The following CFAP46 variants were observed in gnomAD, a reference collection of about 807,000 sequenced individuals.
The protein encoded by CFAP46 is cilia- and flagella-associated protein 46.
Under a neutral mutation model 325.7 loss-of-function variants are expected in CFAP46, and 245 were observed. The ratio of observed to expected loss-of-function variants is 0.75; its 90% CI spans 0.68 to 0.84. CFAP46 has a LOEUF of 0.84. CFAP46 is among the 40% of genes least tolerant of loss of function. The pLI, the probability that CFAP46 is intolerant of heterozygous loss-of-function variation, is 0.00. For missense variants in CFAP46, 3,346 were observed against 3,543.0 expected (o/e 0.94, Z 1.41); for synonymous variants, 1,523 against 1,495.9 (o/e 1.02, Z -0.42).
chr10:132,824,209 G>A (rs1194509000), intron 50 of CFAP46, among the ~76,000 whole-genome samples: 35 of 141,684 alleles, frequency 2.5e-4, no homozygotes, highest in African/African-American at 9.5e-4. Flanking sequence ...GCTGATGTGT[G>A]CTGTGTGTGC....
intron 20 of CFAP46, among the ~76,000 whole-genome samples, chr10:132,909,642 G>A (rs1221203912): frequency 6.6e-6 from 1 of 152,198 alleles, no homozygotes; most frequent in Admixed American, 6.5e-5. Flanking sequence ...GGAGCTCATG[G>A]GGCCGGCCCT....
In CFAP46 at chr10:132,872,615, ATGT is replaced by A. The variant is rs1307114976; in HGVS notation, c.4511+58_4511+60del. Reference sequence around the variant, plus strand: ...TCAACTACAGAATTAATACCTTAACATGTTGTTTATTTTTGTTTTGCTTTGGGG... The same window carrying A: ...TCAACTACAGAATTAATACCTTAACATGTTTATTTTTGTTTTGCTTTGGGG... On this transcript the variant is annotated intron_variant, in intron 32 of 57. Coordinates refer to ENST00000368586, the MANE Select transcript of CFAP46 (RefSeq NM_001200049.3). 6.5e-6 allele frequency: 10 copies of A among 1,530,688 alleles called. No individual in the cohort carries two copies. In the East Asian group the frequency reaches 2.2e-4, roughly 34 times the overall value. The allele number at this position is 1,530,688 out of a possible 1,614,324, so 94.8% of individuals were successfully genotyped here. A position where few individuals can be genotyped will look rare whatever the true frequency, so the allele number is the denominator to read the frequency against.
At chr10:132,861,826 C>T (rs1182757158) in intron 35 of CFAP46, among the ~76,000 whole-genome samples, 1 of 152,202 alleles carries the variant, frequency 6.6e-6, no homozygotes, top group Non-Finnish European at 1.5e-5. Context: ...CAGGCCCCTC[C>T]CAGGTGTAGC....
In CFAP46 at chr10:132,837,936, C is replaced by T. The variant is rs545382877; in HGVS notation, c.6439-1022G>A. On this transcript the variant is annotated intron_variant, in intron 44 of 57. Transcript: ENST00000368586. ...ACGGACCCAGACACGCAGACATGCA[C>T]GGACACAGACACGCACGTGTACACA... 1.8e-3 allele frequency among the ~76,000 whole-genome samples: 269 copies of T among 152,252 alleles called. 1 individual carries two copies. Among genetic ancestry groups the T allele is most frequent in the African/African-American group, 6.0e-3 (250 of 41,524 alleles).
chr10:132,824,439 T>TGTGA (rs1847986634), intron 50 of CFAP46, among the ~76,000 whole-genome samples: 1 of 122,206 alleles, frequency 8.2e-6, no homozygotes, highest in Non-Finnish European at 1.8e-5. Context: ...ATGTGTGCTG[T>TGTGA]GTGCTGATGT....
At chr10:132,843,856 G>C (rs1456349618) in intron 44 of CFAP46, among the ~76,000 whole-genome samples, 1 of 109,818 alleles carries the variant, frequency 9.1e-6, no homozygotes, top group Non-Finnish European at 1.9e-5. Flanking sequence ...GTGTTCCCAG[G>C]GTGCTGTGGG....
chr10:132,894,051 C>A (rs1285355661), intron 24 of CFAP46, among the ~76,000 whole-genome samples: 2 of 152,174 alleles, frequency 1.3e-5, no homozygotes, highest in South Asian at 2.1e-4. Flanking sequence ...GAGGTTGCTG[C>A]AGCCCCCTGA....
rs181634033 is a variant in CFAP46, at chr10:132,941,742, C to T, written c.175-20G>A. ...CCTCATCTGCAAGAGAACACCACCA[C>T]AGAAGATCACAGACCCGGAGGGGTG... On this transcript the variant is annotated intron_variant, in intron 2 of 57. Coordinates refer to ENST00000368586, the MANE Select transcript of CFAP46 (RefSeq NM_001200049.3). The T allele has an allele frequency of 1.5e-4, 246 of 1,613,482 alleles. 3 individuals carry two copies. In the East Asian group the frequency reaches 5.4e-3, roughly 35 times the overall value.
chr10:132,876,454 G>A lies in CFAP46; in HGVS notation c.4362+358C>T, dbSNP rs558440822. Among the ~76,000 whole-genome samples, 7 of 152,300 alleles carry A rather than the reference G, an allele frequency of 4.6e-5. No individual in the cohort carries two copies. The highest frequency in any genetic ancestry group is 1.4e-4 in the African/African-American group (6 of 41,570). On this transcript the variant is annotated intron_variant, in intron 31 of 57. Coordinates refer to ENST00000368586, the MANE Select transcript of CFAP46 (RefSeq NM_001200049.3). This position sits in a 1 kb window ranked among gnomAD's most constrained non-coding sequence, Gnocchi z 4.1. ...CCTTTGGAGGGTGTGCCACCCTCCC[G>A]ACACCTGGATTTGAGCCCAGGGACA...
intron 24 of CFAP46, among the ~76,000 whole-genome samples, chr10:132,897,402 C>T (rs1849333407): frequency 6.6e-6 from 1 of 152,250 alleles, no homozygotes; most frequent in African/African-American, 2.4e-5. Context: ...GGCTCTCTGG[C>T]ATGAACCTCC....
At position 132,846,983 on chromosome 10, in the gene CFAP46, A is replaced by C. The variant is rs1848448468; in HGVS notation, c.6216T>G (p.Cys2072Trp). The C allele has an allele frequency of 6.2e-7, 1 of 1,610,962 alleles. No individual in the cohort carries two copies. The stretch of plus-strand genomic sequence containing the variant: ...TAGTTGCAGGGTCCAGGGTGCCGAC[A>C]CACTCCACCATCTCCAGGCTGGCGG... ...AAAASLEMVE[C>W]VGTLDPATTC... Residue 2072 changes from cysteine to tryptophan, a missense_variant, in exon 43 of 58, where the codon TGT (cysteine) becomes TGG (tryptophan). By Grantham distance (215) the Cys-to-Trp change is radical (BLOSUM62 -2). Transcript: ENST00000368586.
chr10:132,825,060 T>C (rs1203269727), intron 50 of CFAP46, among the ~76,000 whole-genome samples: 8 of 144,348 alleles, frequency 5.5e-5, no homozygotes, highest in African/African-American at 2.1e-4. Context: ...GTGTGTGCGC[T>C]GATGTGTGCT....
rs1257240753 is a variant in CFAP46, at chr10:132,924,744, A to G, written c.1208T>C (p.Leu403Pro). Residue 403 changes from leucine to proline, a missense_variant, in exon 11 of 58, where the codon CTG becomes CCG. Transcript: ENST00000368586. The stretch of plus-strand genomic sequence containing the variant: ...CGCAACGCCAGCCAGGGGCTTCCGC[A>G]GGTGGTGCCGCAGGTTGTGCTGCAG... ...PLLQHNLRHH[L>P]RKPLAGVADV... 4 of 1,539,682 alleles carry G rather than the reference A, an allele frequency of 2.6e-6. No homozygotes were observed. In the African/African-American group the frequency reaches 4.2e-5, roughly 16 times the overall value.
At position 132,812,897 on chromosome 10, in the gene CFAP46, G is replaced by A. The variant is rs1326289745; in HGVS notation, c.7389C>T (p.Ser2463=). The A allele has an allele frequency of 1.9e-6, 3 of 1,605,808 alleles. No individual in the cohort carries two copies. The highest frequency in any genetic ancestry group is 2.5e-6 in the Non-Finnish European group (3 of 1,178,966). Residue 2463 remains serine, a splice_region_variant and synonymous_variant, in exon 55 of 58, where the codon AGC becomes AGT. Transcript: ENST00000368586. ...CCAGGGCCTGCTCCCACTGGGCCTG[G>A]CTGCAGAGAGAGGAGAGCGCTGGTC... ...AGHLGSKHFP[S]QAQWEQALGS...
chr10:132,899,762 G>T (rs1191664679), intron 22 of CFAP46, 96 bp from the exon 23 acceptor site: 1 of 1,292,312 alleles, frequency 7.7e-7, no homozygotes, highest in Non-Finnish European at 1.0e-6. Flanking sequence ...CTACACAGGT[G>T]GTATTCTAAG....
intron 11 of CFAP46, 94 bp downstream of exon 11, chr10:132,924,602 T>C: frequency 8.0e-7 from 1 of 1,246,190 alleles, no homozygotes; most frequent in Non-Finnish European, 1.0e-6. Flanking sequence ...TGTGGCACTG[T>C]CATGGCAAGG....
At chr10:132,910,856 T>G (rs1306114980) in intron 19 of CFAP46, among the ~76,000 whole-genome samples, 1 of 151,564 alleles carries the variant, frequency 6.6e-6, no homozygotes, top group African/African-American at 2.4e-5. Context: ...CCCATCGGAA[T>G]GTGTTTGGGG....
chr10:132,887,169 T>TCTCTC lies in CFAP46; in HGVS notation c.3305-1211_3305-1210insGAGAG, dbSNP rs1849149070. Among the ~76,000 whole-genome samples the TCTCTC allele has an allele frequency of 1.1e-4, 4 of 37,152 alleles. 1 individual carries two copies. The highest frequency in any genetic ancestry group is 3.4e-4 in the African/African-American group (2 of 5,816). The allele number at this position is 37,152 out of a possible 152,430, so 24.4% of individuals were successfully genotyped here. Reference sequence around the variant, plus strand: ...CACTTCTCTCTCTCCTCTCTCTTCTTTCCTCTCCCCTCTTCTCTCTCTCCT... The same window carrying TCTCTC: ...CACTTCTCTCTCTCCTCTCTCTTCTTCTCTCTCCTCTCCCCTCTTCTCTCTCTCCT... On this transcript the variant is annotated intron_variant, in intron 25 of 57. Transcript: ENST00000368586.
intron 36 of CFAP46, 69 bp from the exon 37 acceptor site, chr10:132,860,592 G>C (rs532836743): frequency 1.3e-5 from 17 of 1,272,524 alleles, no homozygotes; most frequent in Non-Finnish European, 1.6e-5. Flanking sequence ...GCCTGAGGAC[G>C]GGCGGGCAGG....
Sources: gnomAD v4.1 joint callset for allele counts (sites outside exome capture counted in the v4.1 genomes callset) on GRCh38, gnomAD v4.1.1 for gene constraint, Gnocchi (gnomAD v3.1) non-coding constraint, MANE v1.5 for transcripts, NCBI Gene and HGNC (gene_info 2026-07-23, HGNC 2026-07-21) for gene names.